MLF1: variants seen among roughly 807,000 people sequenced by gnomAD.
MLF1 encodes the protein myeloid leukemia factor 1, also known as myelodysplasia-myeloid leukemia factor 1.
A neutral mutation model predicts 38.3 loss-of-function variants in MLF1; 37 were observed. That is an observed-to-expected ratio of 0.96 (90% confidence interval 0.74 to 1.27). The LOEUF is 1.27. Ranked by LOEUF, MLF1 falls within the 50% of genes most tolerant of loss-of-function variation. MLF1 has a pLI of 0.00. For missense variants in MLF1, 331 were observed against 349.2 expected (o/e 0.95, Z 0.42); for synonymous variants, 95 against 106.5 (o/e 0.89, Z 0.66).
At position 158,596,043 on chromosome 3, in the gene MLF1, G is replaced by T. The variant is rs183455656; in HGVS notation, c.241-819G>T. Among the ~76,000 whole-genome samples the T allele has an allele frequency of 6.6e-5, 10 of 152,146 alleles. No homozygotes were observed. In the East Asian group the frequency reaches 1.9e-3, roughly 29 times the overall value. ...CAGCCCTACTGTCATTTTGGGCAGG[G>T]TAATTCTTTTTGTTCTGGGAGACTG... On this transcript the variant is annotated intron_variant, in intron 3 of 7. Coordinates refer to ENST00000466246, the MANE Select transcript of MLF1 (RefSeq NM_001369783.1).
intron 1 of MLF1, among the ~76,000 whole-genome samples, chr3:158,577,269 A>G (rs1275790909): frequency 6.6e-6 from 1 of 152,190 alleles, no homozygotes; most frequent in Non-Finnish European, 1.5e-5. Context: ...TTTTTTATTG[A>G]TGGAAAACAT....
At chr3:158,593,518 C>G (rs1718466284) in intron 3 of MLF1, 92 bp downstream of exon 3, 3 of 974,500 alleles carry the variant, frequency 3.1e-6, no homozygotes, top group Admixed American at 2.4e-5. Flanking sequence ...GGCATGCAGC[C>G]TCACTTCCAT....
intron 1 of MLF1, among the ~76,000 whole-genome samples, chr3:158,589,744 G>A (rs1717848923): frequency 6.6e-6 from 1 of 152,160 alleles, no homozygotes; most frequent in African/African-American, 2.4e-5. Context: ...GAGATCAGAA[G>A]TCCAAAATGG....
Position 158,586,294 on chromosome 3 carries a change from C to T in MLF1, c.48-6140C>T, listed in dbSNP as rs1717255711. On this transcript the variant is annotated intron_variant, in intron 1 of 7. Transcript: ENST00000466246. ...AAATATATATAAAAAAACCATAAAG[C>T]ATCCAGAGAGTAGATTTCTTAGAAA... 2.6e-5 allele frequency among the ~76,000 whole-genome samples: 4 copies of T among 151,170 alleles called. No individual in the cohort carries two copies. The South Asian group carries it at 8.3e-4, about 31-fold the overall frequency.
rs147972822 is a variant in MLF1, at chr3:158,587,704, A to T, written c.48-4730A>T. Among the ~76,000 whole-genome samples the T allele has an allele frequency of 7.9e-3, 1,211 of 152,368 alleles. 2 individuals are homozygous for T. Among genetic ancestry groups the T allele is most frequent in the Non-Finnish European group, 0.013 (865 of 68,034 alleles). On this transcript the variant is annotated intron_variant, in intron 1 of 7. Coordinates refer to ENST00000466246, the MANE Select transcript of MLF1 (RefSeq NM_001369783.1). ...ATGTCACTCCCAAAATTACATTTTT[A>T]AAAGAGCATGGCTTGGCCTGGTGCG...
At chr3:158,585,304 C>T (rs1186626507) in intron 1 of MLF1, among the ~76,000 whole-genome samples, 3 of 152,034 alleles carry the variant, frequency 2.0e-5, no homozygotes, top group African/African-American at 4.8e-5. Flanking sequence ...CACCTCCCCA[C>T]CCCTCTCTTG....
chr3:158,591,218 G>A (rs1288614802), intron 1 of MLF1: 3 of 437,888 alleles, frequency 6.9e-6, no homozygotes, highest in African/African-American at 4.2e-5. Flanking sequence ...GGAGTGCAAT[G>A]GTGCAATCTT....
At chr3:158,586,606 C>A (rs1190914041) in intron 1 of MLF1, among the ~76,000 whole-genome samples, 1 of 152,186 alleles carries the variant, frequency 6.6e-6, no homozygotes, top group African/African-American at 2.4e-5. Flanking sequence ...AGAGACTGAA[C>A]TAGAATGCTA....
chr3:158,602,023 A>T (rs761279809), intron 6 of MLF1, among the ~76,000 whole-genome samples: 3 of 151,824 alleles, frequency 2.0e-5, no homozygotes, highest in Non-Finnish European at 2.9e-5. Flanking sequence ...TCACCATGTT[A>T]GCCAGGATGG....
chr3:158,581,872 G>C (rs1214736294), intron 1 of MLF1, among the ~76,000 whole-genome samples: 1 of 152,134 alleles, frequency 6.6e-6, no homozygotes, highest in Non-Finnish European at 1.5e-5. Flanking sequence ...TAAAATGCTA[G>C]AGACTAAAAA....
At position 158,574,505 on chromosome 3, in the gene MLF1, T is replaced by TAAAAAAA. The variant is rs758915813; in HGVS notation, c.47+3174_47+3180dup. 5.3e-3 allele frequency among the ~76,000 whole-genome samples: 488 copies of TAAAAAAA among 91,246 alleles called. 10 individuals carry two copies. Among genetic ancestry groups the TAAAAAAA allele is most frequent in the African/African-American group, 0.027 (462 of 17,342 alleles). The allele number at this position is 91,246 out of a possible 152,430, so 59.9% of individuals were successfully genotyped here. ...CAACATGGTGAAACCCCATCTGTACTAAAAAAAAAAAAAAAAAAAAAATAC... is the reference window on the plus strand; with the variant it reads ...CAACATGGTGAAACCCCATCTGTACTAAAAAAAAAAAAAAAAAAAAAAAAAAAAATAC... On this transcript the variant is annotated intron_variant, in intron 1 of 7. Coordinates refer to ENST00000466246, the MANE Select transcript of MLF1 (RefSeq NM_001369783.1).
intron 1 of MLF1, among the ~76,000 whole-genome samples, chr3:158,589,461 C>T (rs760330072): frequency 7.9e-5 from 12 of 152,034 alleles, no homozygotes; most frequent in African/African-American, 2.2e-4. Context: ...CCACCCACCT[C>T]GGCCTCCCAA....
rs182535822 is a variant in MLF1 at position 158,605,673 on chromosome 3, A to G, written c.*471A>G. ...AATTTTATAATGTGTTGTAAAGCCA[A>G]CTAGCTTAAAACTTTAAAAATAATA... On this transcript the variant is annotated 3_prime_UTR_variant, in exon 8 of 8. Coordinates refer to ENST00000466246, the MANE Select transcript of MLF1 (RefSeq NM_001369783.1). 2.7e-5 allele frequency: 5 copies of G among 184,784 alleles called. No individual in the cohort carries two copies. The East Asian group carries it at 4.5e-4, about 17-fold the overall frequency. The allele number at this position is 184,784 out of a possible 1,614,324, so 11.4% of individuals were successfully genotyped here.
At chr3:158,591,159 CT>C (rs11314613) in intron 1 of MLF1, 123,111 of 379,592 alleles carry the variant, frequency 0.32, 5,254 homozygotes, top group African/African-American at 0.38. Context: ...AGGAAAATTT[CT>C]TTTTTTTTTT....
At chr3:158,595,894 C>A (rs943709667) in intron 3 of MLF1, among the ~76,000 whole-genome samples, 1 of 152,118 alleles carries the variant, frequency 6.6e-6, no homozygotes, top group Non-Finnish European at 1.5e-5. Context: ...CTGGCTAACA[C>A]ATTGGAATGT....
chr3:158,584,542 A>T (rs1716903535), intron 1 of MLF1, among the ~76,000 whole-genome samples: 1 of 152,204 alleles, frequency 6.6e-6, no homozygotes, highest in Non-Finnish European at 1.5e-5. Context: ...CTGAAAAGAC[A>T]CATATGTTAG....
At chr3:158,582,943 A>G (rs2566341) in intron 1 of MLF1, 598,599 of 670,834 alleles carry the variant, frequency 0.89, 267,850 homozygotes, top group East Asian at 1. Flanking sequence ...AAATAAACAC[A>G]TTTATTTTTC....
chr3:158,571,227 T>C lies in MLF1; in HGVS notation c.-74T>C, dbSNP rs1714221629. The C allele has an allele frequency of 3.1e-6, 4 of 1,276,798 alleles. No homozygotes were observed. Among genetic ancestry groups the C allele is most frequent in the Non-Finnish European group, 3.4e-6 (3 of 881,964 alleles). The allele number at this position is 1,276,798 out of a possible 1,614,324, so 79.1% of individuals were successfully genotyped here. A position where few individuals can be genotyped will look rare whatever the true frequency, so the allele number is the denominator to read the frequency against. On this transcript the variant is annotated 5_prime_UTR_variant, in exon 1 of 8. Transcript: ENST00000466246. ...CGTCGTCCGTACTGGAGGCTAGCTC[T>C]TGTCGCGGCCGCGGCGAGTTAACAT... is the stretch of plus-strand genomic sequence containing the variant.
At chr3:158,590,046 C>A (rs1455052776) in intron 1 of MLF1, among the ~76,000 whole-genome samples, 1 of 152,068 alleles carries the variant, frequency 6.6e-6, no homozygotes, top group East Asian at 1.9e-4. Flanking sequence ...AAACTGAAGA[C>A]CTAACAAAGA....
Sources: allele counts gnomAD v4.1 joint callset (sites outside exome capture counted in the v4.1 genomes callset), GRCh38; gene constraint gnomAD v4.1.1; transcripts MANE v1.5; gene names NCBI Gene and HGNC (gene_info 2026-07-23, HGNC 2026-07-21).